The following PCCB variants were observed in gnomAD, a reference collection of about 807,000 sequenced individuals.
The protein encoded by PCCB is propionyl-CoA carboxylase subunit beta.
Under a neutral mutation model 60.7 loss-of-function variants are expected in PCCB, and 43 were observed. That is an observed-to-expected ratio of 0.71 (90% confidence interval 0.55 to 0.91). PCCB has a LOEUF of 0.91. PCCB is among the 40% of genes least tolerant of loss of function. PCCB has a pLI of 0.00. For synonymous variants in PCCB, 276 were observed against 255.9 expected, an observed-to-expected ratio of 1.08 and a Z score of -0.75; for missense variants, 766 against 702.8, an observed-to-expected ratio of 1.09 and a Z score of -1.02.
intron 5 of PCCB, among the ~76,000 whole-genome samples, chr3:136,276,305 T>C (rs1277877436): frequency 6.6e-6 from 1 of 152,158 alleles, no homozygotes; most frequent in East Asian, 1.9e-4. Flanking sequence ...AATGCAATAC[T>C]CAGTAAGGCA....
intron 5 of PCCB, among the ~76,000 whole-genome samples, chr3:136,282,197 G>A (rs1196383038): frequency 1.3e-5 from 2 of 152,116 alleles, no homozygotes; most frequent in Non-Finnish European, 2.9e-5. Flanking sequence ...TTGTTGGCTG[G>A]GGGATTATAG....
intron 6 of PCCB, among the ~76,000 whole-genome samples, chr3:136,292,741 G>A (rs890355522): frequency 2.0e-5 from 3 of 152,132 alleles, no homozygotes; most frequent in Non-Finnish European, 2.9e-5. Context: ...GTTAGATAAT[G>A]TTTGTGTTAG....
Position 136,266,058 on chromosome 3 carries a change from C to G in PCCB, c.543+3993C>G, listed in dbSNP as rs1288177879. On this transcript the variant is annotated intron_variant, in intron 5 of 14. Coordinates refer to ENST00000251654, the MANE Select transcript of PCCB (RefSeq NM_000532.5). ...GCTAGGATGGTCTCGATCTCCTGAC[C>G]TCGTGATCTGCCCACCTCAGCCTCC... Among the ~76,000 whole-genome samples the G allele has an allele frequency of 3.3e-5, 5 of 151,480 alleles. No homozygotes were observed. In the East Asian group the frequency reaches 9.7e-4, roughly 29 times the overall value.
Position 136,253,260 on chromosome 3 carries a change from T to C in PCCB, c.184-2596T>C, listed in dbSNP as rs940610999. ...GCCCACCACCACACCTGGCTATAAT[T>C]TTGGAGTTTTAGTATAGACGGGGTT... On this transcript the variant is annotated intron_variant, in intron 1 of 14. Transcript: ENST00000251654. 2.0e-5 allele frequency among the ~76,000 whole-genome samples: 3 copies of C among 151,860 alleles called. No homozygotes were observed. In the South Asian group the frequency reaches 6.2e-4, roughly 32 times the overall value.
intron 5 of PCCB, 122 bp from the exon 6 acceptor site, chr3:136,283,715 C>G (rs183337823): frequency 9.6e-5 from 68 of 708,098 alleles, no homozygotes; most frequent in Admixed American, 8.6e-4. Flanking sequence ...GGTCTGTTGC[C>G]TCCTGTATAG....
chr3:136,310,224 G>A (rs532085500), intron 9 of PCCB, among the ~76,000 whole-genome samples: 1 of 152,280 alleles, frequency 6.6e-6, no homozygotes, highest in South Asian at 2.1e-4. Flanking sequence ...TTAGCCAGGT[G>A]TGGTGGTACA....
At position 136,258,299 on chromosome 3, in the gene PCCB, A is replaced by G. The variant is rs184486755; in HGVS notation, c.372+1676A>G. Among the ~76,000 whole-genome samples, 234 of 152,306 alleles carry G rather than the reference A, an allele frequency of 1.5e-3. 2 individuals carry two copies. The highest frequency in any genetic ancestry group is 8.3e-4 in the South Asian group (4 of 4,832). ...ACTGAGACAAGAGTTCCCACCCTGA[A>G]GAAGCGAATCATTTTATAGGCAGAA... On this transcript the variant is annotated intron_variant, in intron 3 of 14. Coordinates refer to ENST00000251654, the MANE Select transcript of PCCB (RefSeq NM_000532.5).
chr3:136,313,073 TAAA>T (rs1934732799), intron 9 of PCCB, among the ~76,000 whole-genome samples: 1 of 152,122 alleles, frequency 6.6e-6, no homozygotes, highest in African/African-American at 2.4e-5. Context: ...TGGCTAAAAA[TAAA>T]AACCCCGAAA....
intron 5 of PCCB, among the ~76,000 whole-genome samples, chr3:136,274,517 T>C (rs1560006053): frequency 6.6e-6 from 1 of 152,208 alleles, no homozygotes; most frequent in Non-Finnish European, 1.5e-5. Flanking sequence ...TTTTCCTTTA[T>C]AGGTTACCTG....
At chr3:136,250,634 C>G in intron 1 of PCCB, 76 bp downstream of exon 1, 14 of 1,422,446 alleles carry the variant, frequency 9.8e-6, no homozygotes, top group Non-Finnish European at 1.3e-5. Flanking sequence ...CTTGCGGCGT[C>G]CGAGGCCTCC....
intron 5 of PCCB, among the ~76,000 whole-genome samples, chr3:136,276,909 T>G (rs1942343757): frequency 6.6e-6 from 1 of 152,170 alleles, no homozygotes; most frequent in Non-Finnish European, 1.5e-5. Flanking sequence ...GGGTATTCCC[T>G]TGGTGTGGTG....
intron 5 of PCCB, among the ~76,000 whole-genome samples, chr3:136,274,304 A>G (rs1942283913): frequency 6.6e-6 from 1 of 151,986 alleles, no homozygotes; most frequent in African/African-American, 2.4e-5. Context: ...TCTGAAGAGT[A>G]ATGCTGGTTT....
intron 10 of PCCB, among the ~76,000 whole-genome samples, chr3:136,322,639 C>A (rs1935148164): frequency 6.6e-6 from 1 of 152,138 alleles, no homozygotes; most frequent in Non-Finnish European, 1.5e-5. Context: ...AACCAAAATA[C>A]TCAAATCCTG....
chr3:136,293,099 T>C (rs775594932), intron 6 of PCCB, among the ~76,000 whole-genome samples: 5 of 152,152 alleles, frequency 3.3e-5, no homozygotes, highest in East Asian at 1.9e-4. Flanking sequence ...TCACTGCAAC[T>C]CAAGTGATTG....
At chr3:136,259,838 C>T (rs1050559464) in intron 3 of PCCB, among the ~76,000 whole-genome samples, 8 of 152,108 alleles carry the variant, frequency 5.3e-5, no homozygotes, top group African/African-American at 9.6e-5. Flanking sequence ...CTGCAGCCTC[C>T]GCCTCTTGGA....
chr3:136,297,636 A>G lies in PCCB; in HGVS notation c.764-316A>G, dbSNP rs56336182. Among the ~76,000 whole-genome samples the G allele has an allele frequency of 0.16, 24,784 of 152,120 alleles. 3,257 individuals carry two copies. The highest frequency in any genetic ancestry group is 0.37 in the African/African-American group (15,260 of 41,436). ...AAAAGTACGGGAGGAGAACTCCCGC[A>G]TGGTATAGGGATGGATAGTGAAGGA... On this transcript the variant is annotated intron_variant, in intron 7 of 14. Transcript: ENST00000251654.
At chr3:136,297,121 T>G (rs1404141128) in intron 7 of PCCB, among the ~76,000 whole-genome samples, 1 of 152,148 alleles carries the variant, frequency 6.6e-6, no homozygotes, top group Non-Finnish European at 1.5e-5. Flanking sequence ...GCTGAGCAGA[T>G]TTTAAGGAGT....
chr3:136,325,900 G>C (rs1300279792), intron 10 of PCCB, among the ~76,000 whole-genome samples: 1 of 151,926 alleles, frequency 6.6e-6, no homozygotes, highest in African/African-American at 2.4e-5. Context: ...TGCAAGCTCC[G>C]CCTCCCGGGT....
intron 5 of PCCB, among the ~76,000 whole-genome samples, chr3:136,264,889 A>AG (rs1941943637): frequency 6.8e-6 from 1 of 147,454 alleles, no homozygotes; most frequent in Admixed American, 6.8e-5. Context: ...AAAAAAAAAA[A>AG]AAAAAAGAGC....
Sources: allele counts gnomAD v4.1 joint callset (sites outside exome capture counted in the v4.1 genomes callset), GRCh38; gene constraint gnomAD v4.1.1; transcripts MANE v1.5; gene names NCBI Gene and HGNC (gene_info 2026-07-23, HGNC 2026-07-21).